Variants in CORIN observed in about 807,000 individuals in gnomAD.
The protein encoded by CORIN is atrial natriuretic peptide-converting enzyme.
Under a neutral mutation model 125.3 loss-of-function variants are expected in CORIN, and 117 were observed. The observed-to-expected ratio is 0.93, with a 90% CI of 0.80 to 1.09. The LOEUF (loss-of-function observed/expected upper bound fraction) is 1.09, where lower values mean the gene tolerates loss of function less well. Ranked by LOEUF, CORIN falls within the 50% of genes least tolerant of loss-of-function variation. CORIN has a pLI of 0.00. For synonymous variants in CORIN, 450 were observed against 466.4 expected (o/e 0.96, Z 0.45); for missense variants, 1,253 against 1,306.7 (o/e 0.96, Z 0.63).
intron 3 of CORIN, among the ~76,000 whole-genome samples, chr4:47,783,237 G>C (rs1730630948): frequency 6.6e-6 from 1 of 151,894 alleles, no homozygotes; most frequent in African/African-American, 2.4e-5. Context: ...CCCAGATATA[G>C]AATACAACCT....
intron 12 of CORIN, among the ~76,000 whole-genome samples, chr4:47,656,895 G>T (rs1035682627): frequency 1.3e-5 from 2 of 152,078 alleles, no homozygotes. Flanking sequence ...TAAAAACTCC[G>T]CCAAAAAGCT....
At chr4:47,738,760 T>A (rs188742824) in intron 5 of CORIN, among the ~76,000 whole-genome samples, 1 of 152,276 alleles carries the variant, frequency 6.6e-6, no homozygotes, top group East Asian at 1.9e-4. Context: ...GGACAGACTT[T>A]TAAATCAGTT....
intron 5 of CORIN, among the ~76,000 whole-genome samples, chr4:47,743,318 T>G (rs1467829151): frequency 6.6e-6 from 1 of 152,174 alleles, no homozygotes; most frequent in African/African-American, 2.4e-5. Flanking sequence ...ATCTTTGCAA[T>G]ACATATATCC....
At chr4:47,746,681 T>C (rs1364578133) in intron 4 of CORIN, among the ~76,000 whole-genome samples, 1 of 152,026 alleles carries the variant, frequency 6.6e-6, no homozygotes, top group African/African-American at 2.4e-5. Flanking sequence ...ATTACAGGCA[T>C]GCGCCACCTC....
At chr4:47,770,277 A>G (rs909126141) in intron 3 of CORIN, among the ~76,000 whole-genome samples, 2 of 152,200 alleles carry the variant, frequency 1.3e-5, no homozygotes, top group African/African-American at 4.8e-5. Context: ...TAGCCATCAG[A>G]GAAATGCAAA....
At chr4:47,756,648 A>AT (rs142732811) in intron 4 of CORIN, among the ~76,000 whole-genome samples, 6,949 of 152,122 alleles carry the variant, frequency 0.046, 486 homozygotes, top group African/African-American at 0.16. Flanking sequence ...TGGCTAAGTA[A>AT]TTTTTTTTAT....
intron 5 of CORIN, among the ~76,000 whole-genome samples, chr4:47,711,378 A>G (rs576966559): frequency 5.9e-5 from 9 of 152,368 alleles, no homozygotes; most frequent in African/African-American, 2.2e-4. Flanking sequence ...AGGTGCAGCC[A>G]TGTTACTAAG....
At chr4:47,634,109 A>T (rs1722938513) in intron 16 of CORIN, among the ~76,000 whole-genome samples, 1 of 152,200 alleles carries the variant, frequency 6.6e-6, no homozygotes, top group Non-Finnish European at 1.5e-5. Context: ...ATTACTAAAG[A>T]GATGTGGATG....
intron 5 of CORIN, among the ~76,000 whole-genome samples, chr4:47,695,110 G>GA (rs1725930203): frequency 6.6e-6 from 1 of 152,088 alleles, no homozygotes; most frequent in South Asian, 2.1e-4. Flanking sequence ...TTCCGCACAG[G>GA]AGTGCACTCC....
chr4:47,789,652 T>C (rs1730975638), intron 2 of CORIN, among the ~76,000 whole-genome samples: 1 of 152,146 alleles, frequency 6.6e-6, no homozygotes, highest in South Asian at 2.1e-4. Context: ...TTGTCTACTA[T>C]GCATTTTCTT....
intron 5 of CORIN, among the ~76,000 whole-genome samples, chr4:47,712,390 C>T (rs965528950): frequency 1.3e-5 from 2 of 152,196 alleles, no homozygotes; most frequent in African/African-American, 4.8e-5. Flanking sequence ...TCAAGTGATC[C>T]TCCTGCCTCA....
intron 5 of CORIN, among the ~76,000 whole-genome samples, chr4:47,738,841 C>T (rs1233349599): frequency 1.3e-5 from 2 of 151,114 alleles, no homozygotes; most frequent in Admixed American, 1.3e-4. Context: ...AGCAATGGCT[C>T]AAAAAATACA....
intron 5 of CORIN, among the ~76,000 whole-genome samples, chr4:47,707,448 A>C (rs1726626735): frequency 1.3e-5 from 2 of 152,300 alleles, no homozygotes; most frequent in South Asian, 4.1e-4. Flanking sequence ...CCCAGCTGAA[A>C]TTCCTCACTG....
At chr4:47,689,652 T>A (rs1426534262) in intron 6 of CORIN, among the ~76,000 whole-genome samples, 1 of 152,250 alleles carries the variant, frequency 6.6e-6, no homozygotes, top group Non-Finnish European at 1.5e-5. Context: ...AGTATTCATC[T>A]ACTAAGCACT....
At chr4:47,759,264 T>C (rs1204133151) in intron 4 of CORIN, among the ~76,000 whole-genome samples, 1 of 152,144 alleles carries the variant, frequency 6.6e-6, no homozygotes. Flanking sequence ...GCCCAAACTA[T>C]GAAACTACTA....
At chr4:47,615,624 C>T (rs1352501295) in intron 19 of CORIN, among the ~76,000 whole-genome samples, 1 of 152,200 alleles carries the variant, frequency 6.6e-6, no homozygotes, top group African/African-American at 2.4e-5. Flanking sequence ...GGAAGGCAGA[C>T]ATTAGGGTCC....
In CORIN at chr4:47,626,440, G is replaced by A. The variant is rs746703902; in HGVS notation, c.2280C>T (p.Leu760=). 17 of 1,613,376 alleles carry A rather than the reference G, an allele frequency of 1.1e-5. No individual in the cohort carries two copies. The highest frequency in any genetic ancestry group is 9.3e-6 in the Non-Finnish European group (11 of 1,179,448). The part of the protein sequence containing the change: ...WLTLHSNWES[L]NGTTLHELLV... ...GAAGTTCATGTAAAGTGGTCCCATTGAGGCTCTCCCAGTTGGAGTGTAATG... is the reference window on the plus strand; with the variant it reads ...GAAGTTCATGTAAAGTGGTCCCATTAAGGCTCTCCCAGTTGGAGTGTAATG... The change falls in exon 17 of 22, where the codon CTC becomes CTT. Residue 760 remains leucine (L), a synonymous_variant. Transcript: ENST00000273857.
At chr4:47,739,831 G>C (rs535889741) in intron 5 of CORIN, among the ~76,000 whole-genome samples, 1 of 151,982 alleles carries the variant, frequency 6.6e-6, no homozygotes, top group African/African-American at 2.4e-5. Flanking sequence ...CAGAAGCAAA[G>C]TGTAGATATT....
At chr4:47,781,433 AAT>A (rs1042877463) in intron 3 of CORIN, among the ~76,000 whole-genome samples, 11 of 152,224 alleles carry the variant, frequency 7.2e-5, no homozygotes, top group African/African-American at 2.2e-4. Flanking sequence ...CGAGCTGTCC[AAT>A]ATGTTATTAT....
Sources: gnomAD v4.1 joint callset for allele counts (sites outside exome capture counted in the v4.1 genomes callset) on GRCh38, gnomAD v4.1.1 for gene constraint, MANE v1.5 for transcripts, NCBI Gene and HGNC (gene_info 2026-07-23, HGNC 2026-07-21) for gene names.